CNTNAP5: variants seen among roughly 807,000 people sequenced by gnomAD.
The protein encoded by CNTNAP5 is contactin-associated protein-like 5.
Under a neutral mutation model 150.2 loss-of-function variants are expected in CNTNAP5, and 72 were observed. The ratio of observed to expected loss-of-function variants is 0.48; its 90% CI spans 0.40 to 0.58. The LOEUF is 0.58. Ranked by LOEUF, CNTNAP5 falls within the 20% of genes least tolerant of loss-of-function variation. The probability of loss-of-function intolerance (pLI) is 0.00; values close to 1 mark genes in which losing one functional copy is unlikely to be tolerated. For missense variants in CNTNAP5, 1,636 were observed against 1,626.2 expected (o/e 1.01, Z -0.10); for synonymous variants, 672 against 619.8 (o/e 1.08, Z -1.25).
chr2:124,761,455 C>T (rs759978765), intron 14 of CNTNAP5, among the ~76,000 whole-genome samples: 1 of 152,068 alleles, frequency 6.6e-6, no homozygotes, highest in Non-Finnish European at 1.5e-5. Flanking sequence ...AAATTCACTG[C>T]CAATATTCAA....
At chr2:124,163,469 G>T (rs762288353) in intron 1 of CNTNAP5, among the ~76,000 whole-genome samples, 4 of 152,138 alleles carry the variant, frequency 2.6e-5, no homozygotes, top group Admixed American at 6.6e-5. Context: ...GAGGAGTCAG[G>T]CATGGGGGTG....
At chr2:124,741,400 C>T (rs1291351600) in intron 13 of CNTNAP5, among the ~76,000 whole-genome samples, 3 of 152,148 alleles carry the variant, frequency 2.0e-5, no homozygotes, top group Admixed American at 2.0e-4. Context: ...GTTGTCAAAA[C>T]TTTAATTGAA....
intron 19 of CNTNAP5, among the ~76,000 whole-genome samples, chr2:124,846,235 T>TA (rs1683044707): frequency 6.6e-6 from 1 of 152,144 alleles, no homozygotes; most frequent in South Asian, 2.1e-4. Context: ...AAAGAATTTT[T>TA]AGAATTTTCA....
chr2:124,734,082 G>A (rs563100028), intron 13 of CNTNAP5, among the ~76,000 whole-genome samples: 99 of 152,204 alleles, frequency 6.5e-4, no homozygotes, highest in African/African-American at 2.3e-3. Context: ...GCTCAGAAAA[G>A]CATGCAGAGC....
At chr2:124,688,284 G>A (rs1199081316) in intron 13 of CNTNAP5, among the ~76,000 whole-genome samples, 4 of 152,054 alleles carry the variant, frequency 2.6e-5, no homozygotes, top group Middle Eastern at 3.4e-3. Flanking sequence ...TTAAAAAAAC[G>A]AATAGAATCC....
At chr2:124,569,441 T>C (rs1243435446) in intron 11 of CNTNAP5, among the ~76,000 whole-genome samples, 1 of 150,592 alleles carries the variant, frequency 6.6e-6, no homozygotes, top group Non-Finnish European at 1.5e-5. Flanking sequence ...ATGACTTGTA[T>C]TATAGGAATA....
intron 3 of CNTNAP5, among the ~76,000 whole-genome samples, chr2:124,365,548 T>C (rs1411991294): frequency 3.3e-5 from 5 of 152,166 alleles, no homozygotes; most frequent in Admixed American, 1.3e-4. Flanking sequence ...TTGGAAACAC[T>C]GAAACAGTTG....
At chr2:124,625,103 C>G (rs1677691824) in intron 12 of CNTNAP5, among the ~76,000 whole-genome samples, 1 of 152,090 alleles carries the variant, frequency 6.6e-6, no homozygotes, top group Non-Finnish European at 1.5e-5. Flanking sequence ...CTCCTGTGTC[C>G]AAACAGAATT....
At chr2:124,233,954 C>T (rs906176321) in intron 2 of CNTNAP5, among the ~76,000 whole-genome samples, 1 of 151,802 alleles carries the variant, frequency 6.6e-6, no homozygotes, top group African/African-American at 2.4e-5. Context: ...GAAAATTGCT[C>T]CAAGAATCCA....
At chr2:124,408,890 G>C (rs1691669435) in intron 3 of CNTNAP5, among the ~76,000 whole-genome samples, 1 of 152,218 alleles carries the variant, frequency 6.6e-6, no homozygotes. Flanking sequence ...GATGGAGAAT[G>C]ACTTTGACGA....
At chr2:124,797,146 A>G (rs1336848792) in intron 18 of CNTNAP5, among the ~76,000 whole-genome samples, 2 of 152,158 alleles carry the variant, frequency 1.3e-5, no homozygotes, top group Non-Finnish European at 2.9e-5. Context: ...ATTCCCATTC[A>G]TCAGATAAGA....
intron 7 of CNTNAP5, among the ~76,000 whole-genome samples, chr2:124,489,633 T>C (rs1457716037): frequency 6.6e-6 from 1 of 152,102 alleles, no homozygotes; most frequent in African/African-American, 2.4e-5. Flanking sequence ...CTCCTCCAAC[T>C]CCACTTCCTA....
intron 10 of CNTNAP5, among the ~76,000 whole-genome samples, chr2:124,539,103 G>C (rs965802327): frequency 1.3e-5 from 2 of 152,206 alleles, no homozygotes; most frequent in Non-Finnish European, 2.9e-5. Context: ...TATAGACACA[G>C]TTGGAAGAGA....
intron 17 of CNTNAP5, among the ~76,000 whole-genome samples, chr2:124,786,387 GAAAGAAAGAAA>G (rs1681580312): frequency 3.2e-3 from 269 of 84,720 alleles, no homozygotes; most frequent in South Asian, 9.9e-3. Context: ...AAGAAAGAAA[GAAAGAAAGAAA>G]GAAGGAAGGA....
At chr2:124,273,646 G>A (rs750051799) in intron 3 of CNTNAP5, among the ~76,000 whole-genome samples, 8 of 152,078 alleles carry the variant, frequency 5.3e-5, no homozygotes, top group Non-Finnish European at 7.4e-5. Flanking sequence ...CCTTAACCCC[G>A]ACCTGCTAAG....
chr2:124,058,840 A>G (rs889635709), intron 1 of CNTNAP5, among the ~76,000 whole-genome samples: 1 of 152,144 alleles, frequency 6.6e-6, no homozygotes, highest in African/African-American at 2.4e-5. Flanking sequence ...TTTTATCCCC[A>G]TGTTGAGTCC....
At chr2:124,670,643 C>CTTG (rs1172807656) in intron 13 of CNTNAP5, among the ~76,000 whole-genome samples, 1 of 114,094 alleles carries the variant, frequency 8.8e-6, no homozygotes, top group Non-Finnish European at 1.8e-5. Flanking sequence ...AGGTGTTGCA[C>CTTG]TTGTTGTTGT....
intron 22 of CNTNAP5, among the ~76,000 whole-genome samples, chr2:124,906,969 A>C (rs1190251197): frequency 6.6e-6 from 1 of 152,102 alleles, no homozygotes; most frequent in African/African-American, 2.4e-5. Context: ...TAAAGTCCCT[A>C]ATTTTAGAAA....
chr2:124,771,671 C>A (rs939139438), intron 16 of CNTNAP5, among the ~76,000 whole-genome samples: 3 of 152,040 alleles, frequency 2.0e-5, no homozygotes, highest in Non-Finnish European at 2.9e-5. Context: ...CCACCATTGC[C>A]ACTATCATCA....
Sources: gnomAD v4.1 joint callset for allele counts (sites outside exome capture counted in the v4.1 genomes callset) on GRCh38, gnomAD v4.1.1 for gene constraint, MANE v1.5 for transcripts, NCBI Gene and HGNC (gene_info 2026-07-23, HGNC 2026-07-21) for gene names.